The following TTN variants were observed in gnomAD, a reference collection of about 807,000 sequenced individuals.
The protein encoded by TTN is titin.
A neutral mutation model predicts 3,223.0 loss-of-function variants in TTN; 1,525 were observed. The ratio of observed to expected loss-of-function variants is 0.47; its 90% CI spans 0.45 to 0.49. TTN has a LOEUF of 0.49. TTN is among the 20% of genes least tolerant of loss of function. TTN has a pLI of 0.00. For synonymous variants in TTN, 14,094 were observed against 15,161.0 expected, an observed-to-expected ratio of 0.93 and a Z score of 5.17; for missense variants, 40,786 against 43,424.0, an observed-to-expected ratio of 0.94 and a Z score of 5.40.
chr2:178,706,555 T>A lies in TTN; in HGVS notation c.29319A>T (p.Ala9773=). ...TTTCAATTTCACCATGTTCGTTAAA[T>A]GCCACGCATCGGTATAACCCAGAAT... ...KTDSGLYRCV[A]FNEHGEIESN... is the part of the protein sequence containing the mutation. Residue 9773 remains alanine (A), a synonymous_variant, in exon 102 of 363, where the codon GCA becomes GCT. Coordinates refer to ENST00000589042, the MANE Select transcript of TTN (RefSeq NM_001267550.2). The A allele has an allele frequency of 1.2e-6, 2 of 1,613,934 alleles. No homozygotes were observed. The highest frequency in any genetic ancestry group is 8.5e-7 in the Non-Finnish European group (1 of 1,179,854).
In TTN at chr2:178,679,349, C is replaced by A; in HGVS notation, c.33732G>T (p.Pro11244=). The change falls in exon 142 of 363, where the codon CCG becomes CCT. Residue 11244 remains proline (P), a synonymous_variant. Coordinates refer to ENST00000589042, the MANE Select transcript of TTN (RefSeq NM_001267550.2). ...PVLIPKKEKP[P]PAKVPEVPKK... is the part of the protein sequence containing the mutation. ...ATTATAAGGATGTACCTTTTGCTGG[C>A]GGAGGCTTCTCCTTTTTAGGAATAA... The A allele has an allele frequency of 1.2e-6, 2 of 1,612,390 alleles. No homozygotes were observed. The highest frequency in any genetic ancestry group is 8.5e-7 in the Non-Finnish European group (1 of 1,178,906).
chr2:178,553,387 T>G lies in TTN; in HGVS notation c.89513A>C (p.Glu29838Ala). 1 of 1,592,304 alleles carries G rather than the reference T, an allele frequency of 6.3e-7. No individual in the cohort carries two copies. Among genetic ancestry groups the G allele is most frequent in the Non-Finnish European group, 8.5e-7 (1 of 1,169,706 alleles). Residue 29838 changes from glutamate to alanine, a missense_variant, in exon 335 of 363, where the codon GAG becomes GCG. Coordinates refer to ENST00000589042, the MANE Select transcript of TTN (RefSeq NM_001267550.2). ...TCTGAGAGCCACATCCAGGTCAATC[T>G]CTGGTGCCTCTGTAGACATAAAATG... is the stretch of plus-strand genomic sequence containing the variant. ...VQAKDILEAPEIDLDVALRTS... is the reference protein window; with the variant it reads ...VQAKDILEAPAIDLDVALRTS...
In TTN at chr2:178,720,641, C is replaced by T. The variant is rs72648971; in HGVS notation, c.23121G>A (p.Lys7707=). 1,136 of 1,596,270 alleles carry T rather than the reference C, an allele frequency of 7.1e-4. 3 individuals carry two copies. The highest frequency in any genetic ancestry group is 9.5e-4 in the Admixed American group (54 of 56,876). ...TVKAPPVFTQ[K]PSPVGALKGS... is the part of the protein sequence containing the mutation. ...CTTTAAGAGCTCCTACTGGAGAAGG[C>T]TTCTGGGTGAAAACAGGAGGTGCTA... Residue 7707 remains lysine (K), a synonymous_variant, in exon 80 of 363, where the codon AAG becomes AAA. Transcript: ENST00000589042.
rs2076368966 is a variant in TTN at position 178,709,628 on chromosome 2, T to C, written c.28691A>G (p.Tyr9564Cys). 6.2e-7 allele frequency: 1 copy of C among 1,613,828 alleles called. No homozygotes were observed. The highest frequency in any genetic ancestry group is 1.1e-5 in the South Asian group (1 of 91,092). The change falls in exon 99 of 363, where the codon TAC becomes TGC. Residue 9564 changes from tyrosine (Y) to cysteine (C), a missense_variant. Tyr to Cys is a radical substitution (Grantham distance 194). Coordinates refer to ENST00000589042, the MANE Select transcript of TTN (RefSeq NM_001267550.2). ...TGCATCATTGGACACTTTGCATGTG[T>C]ACAAACCAGCGTCGTTCATGCCTGC... ...RKAGMNDAGLYTCKVSNDAGS... is the reference protein window; with the variant it reads ...RKAGMNDAGLCTCKVSNDAGS...
chr2:178,612,056 C>T lies in TTN; in HGVS notation c.50354+1G>A, dbSNP rs1180197682. 6.2e-7 allele frequency: 1 copy of T among 1,607,818 alleles called. No individual in the cohort carries two copies. Among genetic ancestry groups the T allele is most frequent in the South Asian group, 1.1e-5 (1 of 89,500 alleles). On this transcript the variant is annotated splice_donor_variant, in intron 267 of 362. Coordinates refer to ENST00000589042, the MANE Select transcript of TTN (RefSeq NM_001267550.2). LOFTEE classifies it high-confidence loss of function. ...TCTTTATGAATTAATTCAAATTCTACCTCTGTATTGGTCTTCCACCATCAT... is the reference window on the plus strand; with the variant it reads ...TCTTTATGAATTAATTCAAATTCTATCTCTGTATTGGTCTTCCACCATCAT...
At chr2:178,545,189 G>A (rs902592152) in intron 344 of TTN, among the ~76,000 whole-genome samples, 199 bp downstream of exon 344, 1 of 151,970 alleles carries the variant, frequency 6.6e-6, no homozygotes, top group Non-Finnish European at 1.5e-5. Flanking sequence ...ACAACTTTTA[G>A]CAATTCTAAT....
In TTN at chr2:178,784,301, G is replaced by A. The variant is rs1186686319; in HGVS notation, c.2544C>T (p.Ala848=). 1.2e-6 allele frequency: 2 copies of A among 1,614,084 alleles called. No individual in the cohort carries two copies. The highest frequency in any genetic ancestry group is 1.1e-5 in the South Asian group (1 of 91,074). ...TGGTGATCTTCTGAGCAGAAGATGT[G>A]GCTGACAACTCTTTTTGTAATGTGG... is the stretch of plus-strand genomic sequence containing the variant. The part of the protein sequence containing the change: ...AIATLQKELS[A]TSSAQKITKS... Residue 848 remains alanine (A), a synonymous_variant, in exon 16 of 363, where the codon GCC becomes GCT. Transcript: ENST00000589042.
chr2:178,793,366 A>G (rs2093612800), intron 9 of TTN, 38 bp downstream of exon 9: 4 of 1,611,318 alleles, frequency 2.5e-6, no homozygotes, highest in Admixed American at 1.7e-5. Context: ...GACCCCTGTA[A>G]GAACCTCAGT....
Position 178,741,508 on chromosome 2 carries a change from T to C in TTN, c.11725A>G (p.Ile3909Val). ...TTGTGACCCTCTCCTTTGGAATTAA[T>C]TTTTAGATAGGCACTACATATTGTC... ...GKTICSAYLK[I>V]NSKGEGHKDT... Residue 3909 changes from isoleucine (I) to valine (V), a missense_variant, in exon 48 of 363, where the codon ATT becomes GTT. Coordinates refer to ENST00000589042, the MANE Select transcript of TTN (RefSeq NM_001267550.2). 1 of 1,613,920 alleles carries C rather than the reference T, an allele frequency of 6.2e-7. No homozygotes were observed. Among genetic ancestry groups the C allele is most frequent in the Non-Finnish European group, 8.5e-7 (1 of 1,179,836 alleles).
At chr2:178,766,721 C>A (rs1343604675) in intron 40 of TTN, 109 bp from the exon 41 acceptor site, 4 of 814,238 alleles carry the variant, frequency 4.9e-6, no homozygotes, top group Non-Finnish European at 8.2e-6. Context: ...GCATGTGAAA[C>A]CAATATATTA....
intron 142 of TTN, 142 bp downstream of exon 142, chr2:178,679,197 G>A (rs1250507271): frequency 5.0e-6 from 4 of 800,444 alleles, no homozygotes; most frequent in Non-Finnish European, 6.1e-6. Flanking sequence ...CGGGTAAACT[G>A]CTCCTGTGGC....
chr2:178,539,355 T>C, intron 352 of TTN, 27 bp downstream of exon 352: 3 of 1,602,480 alleles, frequency 1.9e-6, no homozygotes, highest in South Asian at 2.2e-5. Context: ...ATAATGTTTA[T>C]AATTTTGTGG....
At chr2:178,803,785 A>G (rs1299373839) in intron 2 of TTN, among the ~76,000 whole-genome samples, 1 of 152,020 alleles carries the variant, frequency 6.6e-6, no homozygotes, top group African/African-American at 2.4e-5. Flanking sequence ...TTTTAAAATT[A>G]TTTACAATAT....
chr2:178,569,693 C>T lies in TTN; in HGVS notation c.76439G>A (p.Arg25480His), dbSNP rs759416649. The T allele has an allele frequency of 1.7e-5, 27 of 1,612,778 alleles. No homozygotes were observed. The highest frequency in any genetic ancestry group is 1.5e-4 in the Admixed American group (9 of 59,894). ...TCCAGCTTTATTAATAGCACAGATA[C>T]GGAAGTTGTATTCATGCTTTTCCAA... is the stretch of plus-strand genomic sequence containing the variant. The part of the protein sequence containing the change: ...KLLEKHEYNF[R>H]ICAINKAGVG... The change falls in exon 326 of 363, where the codon CGT (arginine) becomes CAT (histidine). Residue 25480 changes from arginine (R) to histidine (H), a missense_variant. Transcript: ENST00000589042.
Position 178,756,750 on chromosome 2 carries a change from T to G in TTN, c.10726A>C (p.Thr3576Pro). 1 of 1,613,842 alleles carries G rather than the reference T, an allele frequency of 6.2e-7. No homozygotes were observed. Among genetic ancestry groups the G allele is most frequent in the Non-Finnish European group, 8.5e-7 (1 of 1,179,800 alleles). The change falls in exon 46 of 363, where the codon ACC becomes CCC. Residue 3576 changes from threonine to proline, a missense_variant. Transcript: ENST00000589042. ...GAATCTGCCACTGCCTGGGACTTGG[T>G]GGACTCTCTTACATCTTTCCCAGAA... Reference protein sequence around the residue: ...QSSGKDVRESTKSQAVADSSF... With the variant: ...QSSGKDVRESPKSQAVADSSF...
chr2:178,548,472 C>A lies in TTN; in HGVS notation c.93154G>T (p.Val31052Leu). The A allele has an allele frequency of 6.2e-7, 1 of 1,613,892 alleles. No homozygotes were observed. The highest frequency in any genetic ancestry group is 8.5e-7 in the Non-Finnish European group (1 of 1,179,824). Residue 31052 changes from valine (V) to leucine (L), a missense_variant, in exon 339 of 363, where the codon GTG becomes TTG. Transcript: ENST00000589042. This position sits in a 1 kb window ranked among gnomAD's most constrained non-coding sequence, Gnocchi z 4.3. Reference protein sequence around the residue: ...LDGGARIHHYVVEKREASRRS... With the variant: ...LDGGARIHHYLVEKREASRRS... ...CGACTTGCCTCTCGTTTCTCTACCA[C>A]ATAATGATGGATTCGGGCACCACCG...
chr2:178,597,722 A>C lies in TTN; in HGVS notation c.57360T>G (p.Pro19120=). 1 of 1,613,274 alleles carries C rather than the reference A, an allele frequency of 6.2e-7. No homozygotes were observed. Among genetic ancestry groups the C allele is most frequent in the South Asian group, 1.1e-5 (1 of 91,058 alleles). The change falls in exon 294 of 363, where the codon CCT becomes CCG. Residue 19120 remains proline, a synonymous_variant. Transcript: ENST00000589042. ...IRIIAYVSGK[P]PPTVTWNMNE... ...TCATGTTCCAGGTGACGGTTGGAGG[A>C]GGCTTTCCAGACACATAGGCAATGA...
chr2:178,785,579 T>G (rs755586886), intron 15 of TTN, 41 bp downstream of exon 15: 2 of 1,612,984 alleles, frequency 1.2e-6, no homozygotes, highest in East Asian at 2.2e-5. Flanking sequence ...AGATACTTAT[T>G]TCCTTTAAAC....
Position 178,710,850 on chromosome 2 carries a change from A to G in TTN, c.28247T>C (p.Phe9416Ser). 6.2e-7 allele frequency: 1 copy of G among 1,613,860 alleles called. No homozygotes were observed. Among genetic ancestry groups the G allele is most frequent in the Non-Finnish European group, 8.5e-7 (1 of 1,179,816 alleles). The change falls in exon 98 of 363, where the codon TTT becomes TCT. Residue 9416 changes from phenylalanine (F) to serine (S), a missense_variant. By Grantham distance (155) the Phe-to-Ser change is radical. Coordinates refer to ENST00000589042, the MANE Select transcript of TTN (RefSeq NM_001267550.2). ...VDAVVGESAD[F>S]ECHVTGTQPI... ...TTGTGTGCCCGTGACGTGGCACTCAAAGTCAGCACTTTCTCCCACCACAGC... is the reference window on the plus strand; with the variant it reads ...TTGTGTGCCCGTGACGTGGCACTCAGAGTCAGCACTTTCTCCCACCACAGC...
Sources: gnomAD v4.1 joint callset for allele counts (sites outside exome capture counted in the v4.1 genomes callset) on GRCh38, gnomAD v4.1.1 for gene constraint, Gnocchi (gnomAD v3.1) non-coding constraint, MANE v1.5 for transcripts, NCBI Gene and HGNC (gene_info 2026-07-23, HGNC 2026-07-21) for gene names.